Variants in CIT observed in about 807,000 individuals in gnomAD.
CIT encodes citron Rho-interacting kinase.
Under a neutral mutation model 272.7 loss-of-function variants are expected in CIT, and 79 were observed. The ratio of observed to expected loss-of-function variants is 0.29; its 90% CI spans 0.24 to 0.35. The LOEUF is 0.35. CIT is among the 10% of genes least tolerant of loss of function. CIT has a pLI of 1.00. For synonymous variants in CIT, 948 were observed against 995.6 expected (o/e 0.95, Z 0.90); for missense variants, 1,909 against 2,618.3 (o/e 0.73, Z 5.91).
chr12:119,688,512 C>T (rs1955712580), intron 47 of CIT, among the ~76,000 whole-genome samples: 3 of 152,372 alleles, frequency 2.0e-5, no homozygotes, highest in African/African-American at 7.2e-5. Context: ...ACAGTTTCAT[C>T]GGTCAATTGG....
At chr12:119,853,684 T>C (rs556926057) in intron 4 of CIT, among the ~76,000 whole-genome samples, 1 of 152,294 alleles carries the variant, frequency 6.6e-6, no homozygotes, top group East Asian at 1.9e-4. Context: ...CTAACACATT[T>C]GGGAAACACC....
chr12:119,828,274 T>C (rs542932763), intron 7 of CIT, among the ~76,000 whole-genome samples: 2 of 152,336 alleles, frequency 1.3e-5, no homozygotes, highest in South Asian at 4.1e-4. Context: ...AGCAAAGGCA[T>C]TACTCTTTGT....
intron 10 of CIT, among the ~76,000 whole-genome samples, chr12:119,794,582 C>A (rs542540646): frequency 1.3e-5 from 2 of 152,268 alleles, no homozygotes; most frequent in East Asian, 3.9e-4. Flanking sequence ...GGCACTGGAT[C>A]CTACCAGAAG....
Position 119,784,136 on chromosome 12 carries a change from T to C in CIT, c.1402-85A>G, listed in dbSNP as rs1964548367. 2.5e-6 allele frequency: 4 copies of C among 1,612,622 alleles called. No homozygotes were observed. The highest frequency in any genetic ancestry group is 3.4e-6 in the Non-Finnish European group (4 of 1,179,194). ...ATCTCAAGTAGCCTCCGAAACCACCTGGTGGTCTGGGCTAAGGCTAATTCG... is the reference window on the plus strand; with the variant it reads ...ATCTCAAGTAGCCTCCGAAACCACCCGGTGGTCTGGGCTAAGGCTAATTCG... On this transcript the variant is annotated intron_variant, in intron 11 of 47. Transcript: ENST00000392521. The surrounding 1 kb of genome is among the most constrained non-coding windows in gnomAD (Gnocchi z 4.7).
chr12:119,781,506 G>T (rs1389613682), intron 13 of CIT, among the ~76,000 whole-genome samples: 4 of 152,168 alleles, frequency 2.6e-5, no homozygotes, highest in Non-Finnish European at 4.4e-5. Flanking sequence ...AAGTGAATGA[G>T]AGTTGCCTGG....
chr12:119,701,419 G>A (rs979550791), intron 43 of CIT, among the ~76,000 whole-genome samples: 1 of 152,186 alleles, frequency 6.6e-6, no homozygotes, highest in Admixed American at 6.5e-5. Context: ...GCTCTTTGGA[G>A]AGAATGTGAT....
At chr12:119,799,199 T>C (rs1210229073) in intron 10 of CIT, among the ~76,000 whole-genome samples, 1 of 152,208 alleles carries the variant, frequency 6.6e-6, no homozygotes, top group Non-Finnish European at 1.5e-5. Flanking sequence ...TTCCATATTC[T>C]CTTGGTGTGT....
Position 119,876,161 on chromosome 12 carries a change from T to C in CIT, c.8A>G (p.Lys3Arg). The C allele has an allele frequency of 2.5e-6, 4 of 1,612,732 alleles. No homozygotes were observed. The Admixed American group carries it at 5.0e-5, about 20-fold the overall frequency. ...AGGATTCCGCGCTCCATATTTGAACTTCAACATCTCCCCACTGGCGCTGAA... is the reference window on the plus strand; with the variant it reads ...AGGATTCCGCGCTCCATATTTGAACCTCAACATCTCCCCACTGGCGCTGAA... ML[K>R]FKYGARNPLD... Residue 3 changes from lysine to arginine, a missense_variant, in exon 2 of 48, where the codon AAG becomes AGG. This residue lies in a region of CIT where 529 missense variants were observed against 549.6 expected (regional missense o/e 0.96). Coordinates refer to ENST00000392521, the MANE Select transcript of CIT (RefSeq NM_001206999.2).
At position 119,783,890 on chromosome 12, in the gene CIT, G is replaced by A. The variant is rs751318256; in HGVS notation, c.1545+18C>T. 7 of 1,552,440 alleles carry A rather than the reference G, an allele frequency of 4.5e-6. No homozygotes were observed. The African/African-American group carries it at 6.9e-5, about 15-fold the overall frequency. On this transcript the variant is annotated intron_variant, in intron 12 of 47. Coordinates refer to ENST00000392521, the MANE Select transcript of CIT (RefSeq NM_001206999.2). ...GAAGTGCCACCTCCAAGGGAAGGGG[G>A]CTTCAGGGAAGGCTCACACTGCATT...
At chr12:119,807,394 T>C (rs1011383978) in intron 9 of CIT, among the ~76,000 whole-genome samples, 1 of 152,246 alleles carries the variant, frequency 6.6e-6, no homozygotes, top group Non-Finnish European at 1.5e-5. Flanking sequence ...TTATCACATA[T>C]ATCTTGGGGA....
chr12:119,827,738 C>A (rs1345852901), intron 7 of CIT, among the ~76,000 whole-genome samples: 2 of 152,004 alleles, frequency 1.3e-5, no homozygotes, highest in African/African-American at 2.4e-5. Context: ...AGCCTGGCCA[C>A]AATAGATATT....
chr12:119,876,598 G>A (rs1950854686), intron 1 of CIT, among the ~76,000 whole-genome samples: 2 of 152,174 alleles, frequency 1.3e-5, no homozygotes, highest in South Asian at 4.1e-4. Context: ...GCAAGAAAAG[G>A]ACAATGGGGG....
chr12:119,839,435 C>T (rs576596662), intron 5 of CIT, among the ~76,000 whole-genome samples: 7 of 152,170 alleles, frequency 4.6e-5, no homozygotes, highest in East Asian at 1.9e-4. Flanking sequence ...AATGTAATGA[C>T]GCTGGCGGCA....
In CIT at chr12:119,857,589, C is replaced by A; in HGVS notation, c.348G>T (p.Glu116Asp). Residue 116 changes from glutamate to aspartate, a missense_variant, in exon 4 of 48, where the codon GAG becomes GAT. Transcript: ENST00000392521. ...TAGCATAGATGTCCCCGGTTGCTTT[C>A]TCTCTTACCACCTGCACTTCAGCAA... is the stretch of plus-strand genomic sequence containing the variant. ...GHFAEVQVVR[E>D]KATGDIYAMK... 1 of 1,614,184 alleles carries A rather than the reference C, an allele frequency of 6.2e-7. No homozygotes were observed. The highest frequency in any genetic ancestry group is 8.5e-7 in the Non-Finnish European group (1 of 1,180,034).
chr12:119,733,391 G>T (rs972354033), intron 26 of CIT, among the ~76,000 whole-genome samples: 2 of 151,630 alleles, frequency 1.3e-5, no homozygotes, highest in African/African-American at 4.8e-5. Context: ...AAAATTAGCC[G>T]GGCATAGTGG....
At chr12:119,699,744 G>A in intron 44 of CIT, 1 of 454,844 alleles carries the variant, frequency 2.2e-6, no homozygotes, top group Admixed American at 2.4e-5. Flanking sequence ...ACCACATGAA[G>A]CAGAACTGTC....
In CIT at chr12:119,767,103, T is replaced by C. The variant is rs1414271843; in HGVS notation, c.2288A>G (p.Tyr763Cys). ...TGTCTTTACTTTAATCTTTTCCTCATAGTGCTGCTCTTTCTGTTTCAGGTG... is the reference window on the plus strand; with the variant it reads ...TGTCTTTACTTTAATCTTTTCCTCACAGTGCTGCTCTTTCTGTTTCAGGTG... ...EVHLKQKEQH[Y>C]EEKIKVLDNQ... Residue 763 changes from tyrosine to cysteine, a missense_variant, in exon 19 of 48, where the codon TAT (tyrosine) becomes TGT (cysteine). By Grantham distance (194) the Tyr-to-Cys change is radical. Around this residue, in one of 8 missense-constraint regions of CIT, gnomAD observed 530 missense variants for 822.4 expected, o/e 0.64. Transcript: ENST00000392521. 3.1e-6 allele frequency: 5 copies of C among 1,609,704 alleles called. No individual in the cohort carries two copies. The highest frequency in any genetic ancestry group is 2.7e-5 in the African/African-American group (2 of 74,848).
At chr12:119,861,971 G>A (rs1050968405) in intron 3 of CIT, among the ~76,000 whole-genome samples, 3 of 151,830 alleles carry the variant, frequency 2.0e-5, no homozygotes, top group African/African-American at 7.3e-5. Context: ...CAGACAGGGA[G>A]TTTTCTCTGG....
chr12:119,719,011 G>A (rs1957694803), intron 30 of CIT, 150 bp from the exon 31 acceptor site: 5 of 765,898 alleles, frequency 6.5e-6, no homozygotes, highest in South Asian at 1.9e-5. Flanking sequence ...TGAAGGGGGG[G>A]AAGGGTAGGC....
Sources: gnomAD v4.1 joint callset for allele counts (sites outside exome capture counted in the v4.1 genomes callset) on GRCh38, gnomAD v4.1.1 for gene constraint, gnomAD v4.1.1 regional missense constraint, Gnocchi (gnomAD v3.1) non-coding constraint, MANE v1.5 for transcripts, NCBI Gene and HGNC (gene_info 2026-07-23, HGNC 2026-07-21) for gene names.